The following NOS1AP variants were observed in gnomAD, a reference collection of about 807,000 sequenced individuals.
NOS1AP encodes carboxyl-terminal PDZ ligand of neuronal nitric oxide synthase protein.
In NOS1AP, 21 loss-of-function variants were observed where a neutral mutation model predicts 56.2. The ratio of observed to expected loss-of-function variants is 0.37; its 90% CI spans 0.26 to 0.54. The LOEUF (loss-of-function observed/expected upper bound fraction) is 0.54. Ranked by LOEUF, NOS1AP falls within the 20% of genes least tolerant of loss-of-function variation. The pLI is 0.84. For synonymous variants in NOS1AP, 270 were observed against 274.6 expected (o/e 0.98, Z 0.17); for missense variants, 522 against 657.8 (o/e 0.79, Z 2.26).
At chr1:162,217,267 C>CTTTTTTTTTTTTTTGTTTTTTTTTTTTTT (rs1652607922) in intron 2 of NOS1AP, among the ~76,000 whole-genome samples, 1 of 68,368 alleles carries the variant, frequency 1.5e-5, no homozygotes, top group Non-Finnish European at 2.6e-5. Context: ...CTGTTGTTAG[C>CTTTTTTTTTTTTTTGTTTTTTTTTTTTTT]TTTTTTTTTT....
At chr1:162,361,744 G>A (rs534434444) in intron 8 of NOS1AP, among the ~76,000 whole-genome samples, 54 of 152,240 alleles carry the variant, frequency 3.5e-4, no homozygotes, top group Non-Finnish European at 7.5e-4. Flanking sequence ...ATGGATCTGC[G>A]ATGGGAAGCA....
intron 1 of NOS1AP, among the ~76,000 whole-genome samples, chr1:162,134,485 TAAAA>T (rs66940059): frequency 0.13 from 12,112 of 92,494 alleles, 712 homozygotes; most frequent in African/African-American, 0.19. Context: ...AGACTTTGTC[TAAAA>T]AAAAAAAAAA....
chr1:162,174,530 G>C (rs938189704), intron 2 of NOS1AP, among the ~76,000 whole-genome samples: 2 of 152,082 alleles, frequency 1.3e-5, no homozygotes, highest in African/African-American at 4.8e-5. Context: ...TGCACGTTGT[G>C]CACATGTACC....
chr1:162,334,214 C>T (rs2101796909), intron 5 of NOS1AP, among the ~76,000 whole-genome samples: 1 of 152,304 alleles, frequency 6.6e-6, no homozygotes, highest in East Asian at 1.9e-4. Context: ...TTAGCCTCTT[C>T]CTCTATGGAG....
chr1:162,155,340 ATGTG>A (rs1482620733), intron 2 of NOS1AP, among the ~76,000 whole-genome samples: 1 of 141,384 alleles, frequency 7.1e-6, no homozygotes, highest in African/African-American at 2.6e-5. Context: ...ATATGTATGT[ATGTG>A]TGTATATATG....
intron 4 of NOS1AP, among the ~76,000 whole-genome samples, chr1:162,322,005 C>T (rs1020242535): frequency 6.6e-6 from 1 of 152,088 alleles, no homozygotes; most frequent in Non-Finnish European, 1.5e-5. Flanking sequence ...AAACTCCAGC[C>T]TTGCGCAATA....
intron 3 of NOS1AP, among the ~76,000 whole-genome samples, chr1:162,294,224 G>GAAGGAAGAAAGA (rs1297513880): frequency 6.7e-6 from 1 of 149,738 alleles, no homozygotes; most frequent in African/African-American, 2.5e-5. Flanking sequence ...AGGAAGGAAG[G>GAAGGAAGAAAGA]AAGAAAGAAA....
intron 2 of NOS1AP, among the ~76,000 whole-genome samples, chr1:162,208,704 T>C (rs552939745): frequency 1.3e-5 from 2 of 152,180 alleles, no homozygotes; most frequent in African/African-American, 2.4e-5. Context: ...CTGAGAACCA[T>C]TGATTAATTG....
intron 4 of NOS1AP, among the ~76,000 whole-genome samples, chr1:162,314,523 G>A (rs1456592274): frequency 6.6e-6 from 1 of 152,184 alleles, no homozygotes; most frequent in Admixed American, 6.5e-5. Flanking sequence ...ATGTGTAAAG[G>A]GAATCAATTT....
chr1:162,181,148 A>G (rs1421447277), intron 2 of NOS1AP, among the ~76,000 whole-genome samples: 2 of 152,250 alleles, frequency 1.3e-5, no homozygotes, highest in Non-Finnish European at 2.9e-5. Flanking sequence ...AACTTAACAG[A>G]CAAAAGAGGA....
intron 2 of NOS1AP, among the ~76,000 whole-genome samples, chr1:162,267,987 C>T (rs60696654): frequency 0.029 from 4,471 of 152,128 alleles, 72 homozygotes; most frequent in Middle Eastern, 0.065. Flanking sequence ...AGGCCAGATT[C>T]GGTGGCTCAT....
intron 2 of NOS1AP, among the ~76,000 whole-genome samples, chr1:162,178,221 A>G (rs1229063644): frequency 1.3e-5 from 2 of 152,144 alleles, no homozygotes; most frequent in African/African-American, 4.8e-5. Flanking sequence ...TTGTCTGGAT[A>G]CACCACAGTT....
At chr1:162,113,180 C>T (rs1259608510) in intron 1 of NOS1AP, among the ~76,000 whole-genome samples, 3 of 152,164 alleles carry the variant, frequency 2.0e-5, no homozygotes, top group Non-Finnish European at 4.4e-5. Context: ...CACCTCTTCT[C>T]CTGATAATCC....
In NOS1AP at chr1:162,306,517, G is replaced by A. The variant is rs575488578; in HGVS notation, c.344+5811G>A. ...TATTCTTGTGGGCAACCGTAAAATAGGAGAGGGAATGCTCAGACACATAGT... is the reference window on the plus strand; with the variant it reads ...TATTCTTGTGGGCAACCGTAAAATAAGAGAGGGAATGCTCAGACACATAGT... On this transcript the variant is annotated intron_variant, in intron 4 of 9. Transcript: ENST00000361897. 7.2e-5 allele frequency among the ~76,000 whole-genome samples: 11 copies of A among 152,310 alleles called. No homozygotes were observed. The East Asian group carries it at 2.1e-3, about 29-fold the overall frequency.
At chr1:162,332,418 C>T (rs1656798526) in intron 4 of NOS1AP, among the ~76,000 whole-genome samples, 1 of 152,168 alleles carries the variant, frequency 6.6e-6, no homozygotes, top group Admixed American at 6.5e-5. Flanking sequence ...TGTCCTGTTC[C>T]TGTTGTGACC....
chr1:162,288,734 A>G (rs1465804341), intron 3 of NOS1AP, among the ~76,000 whole-genome samples: 1 of 152,188 alleles, frequency 6.6e-6, no homozygotes, highest in East Asian at 1.9e-4. Flanking sequence ...TATGGCTATG[A>G]TGCTGCAAGT....
intron 2 of NOS1AP, among the ~76,000 whole-genome samples, chr1:162,237,082 G>T (rs778757204): frequency 5.9e-5 from 9 of 152,214 alleles, no homozygotes; most frequent in Non-Finnish European, 1.2e-4. Context: ...ACTGAGGCCA[G>T]CTCACCTTTG....
Position 162,365,498 on chromosome 1 carries a change from T to G in NOS1AP, c.1034T>G (p.Met345Arg), listed in dbSNP as rs1372122578. 4 of 1,613,824 alleles carry G rather than the reference T, an allele frequency of 2.5e-6. No homozygotes were observed. Among genetic ancestry groups the G allele is most frequent in the Non-Finnish European group, 2.5e-6 (3 of 1,180,058 alleles). The change falls in exon 9 of 10, where the codon ATG becomes AGG. Residue 345 changes from methionine (M) to arginine (R), a missense_variant. By Grantham distance (91) the Met-to-Arg change is moderately conservative. Transcript: ENST00000361897. ...VHQLLLQNKD[M>R]LQHISLLVKQ... is the part of the protein sequence containing the mutation. ...CAGCTTTTGCTGCAGAACAAGGACA[T>G]GCTCCAGCACATCTCCCTGCTGGTC...
At chr1:162,070,904 C>A (rs1467944874) in intron 1 of NOS1AP, among the ~76,000 whole-genome samples, 1 of 152,088 alleles carries the variant, frequency 6.6e-6, no homozygotes, top group Admixed American at 6.5e-5. Flanking sequence ...GTTTCAGCAT[C>A]TAGTAGGGAA....
Sources: gnomAD v4.1 joint callset for allele counts (sites outside exome capture counted in the v4.1 genomes callset) on GRCh38, gnomAD v4.1.1 for gene constraint, MANE v1.5 for transcripts, NCBI Gene and HGNC (gene_info 2026-07-23, HGNC 2026-07-21) for gene names.